The following AGBL4 variants were observed in gnomAD, a reference collection of about 807,000 sequenced individuals.
The protein encoded by AGBL4 is cytosolic carboxypeptidase 6.
In AGBL4, 58 loss-of-function variants were observed where a neutral mutation model predicts 66.4. That is an observed-to-expected ratio of 0.87 (90% CI 0.71 to 1.09). AGBL4 has a LOEUF of 1.09. Among genes scored for constraint, AGBL4 ranks in the 50% least tolerant of loss-of-function variants. The probability of loss-of-function intolerance (pLI) is 0.00; values close to 1 mark genes in which losing one functional copy is unlikely to be tolerated. For missense variants in AGBL4, 579 were observed against 631.0 expected, an observed-to-expected ratio of 0.92 and a Z score of 0.88; for synonymous variants, 234 against 222.9, an observed-to-expected ratio of 1.05 and a Z score of -0.44.
At chr1:49,714,569 C>CATATATATATATATATATATATAT (rs60965691) in intron 2 of AGBL4, among the ~76,000 whole-genome samples, 6 of 141,846 alleles carry the variant, frequency 4.2e-5, no homozygotes, top group African/African-American at 1.6e-4. Context: ...GTAGTATTTA[C>CATATATATATATATATATATATAT]ATATATATAT....
chr1:49,167,906 T>C (rs570849318), intron 4 of AGBL4, among the ~76,000 whole-genome samples: 1 of 152,298 alleles, frequency 6.6e-6, no homozygotes, highest in African/African-American at 2.4e-5. Context: ...GGATTAAAAA[T>C]ACTATTTTAA....
intron 3 of AGBL4, among the ~76,000 whole-genome samples, chr1:49,372,157 C>A (rs978751090): frequency 1.3e-5 from 2 of 151,970 alleles, no homozygotes; most frequent in African/African-American, 4.8e-5. Context: ...AATAAATGAG[C>A]AATGTTTTCC....
At chr1:49,337,431 A>G (rs35466861) in intron 3 of AGBL4, among the ~76,000 whole-genome samples, 13,307 of 152,286 alleles carry the variant, frequency 0.087, 863 homozygotes, top group East Asian at 0.3. Flanking sequence ...ACTCAAAGCC[A>G]TTAACACCAT....
intron 9 of AGBL4, among the ~76,000 whole-genome samples, chr1:48,615,044 A>G (rs2148386693): frequency 6.6e-6 from 1 of 152,208 alleles, no homozygotes; most frequent in South Asian, 2.1e-4. Context: ...TGAGGGCTAG[A>G]GAATAAGAGG....
chr1:49,645,663 T>A (rs1409596003), intron 3 of AGBL4, among the ~76,000 whole-genome samples: 1 of 150,866 alleles, frequency 6.6e-6, no homozygotes, highest in Admixed American at 6.6e-5. Flanking sequence ...TTAAAAATGG[T>A]CTTACCAAAA....
At chr1:49,583,819 T>C (rs1445129032) in intron 3 of AGBL4, among the ~76,000 whole-genome samples, 1 of 152,150 alleles carries the variant, frequency 6.6e-6, no homozygotes, top group Non-Finnish European at 1.5e-5. Context: ...CTATCATCTC[T>C]AGAACAGAAA....
intron 2 of AGBL4, chr1:49,841,824 C>T: frequency 5.1e-6 from 2 of 391,696 alleles, no homozygotes; most frequent in Non-Finnish European, 4.7e-6. Flanking sequence ...ATCCCACCGG[C>T]ACCACGGCCT....
intron 6 of AGBL4, chr1:48,776,849 G>A: frequency 6.7e-7 from 1 of 1,488,478 alleles, no homozygotes; most frequent in Non-Finnish European, 8.9e-7. Context: ...GCCGGGGGCG[G>A]GCCCCGGTCG....
At chr1:48,804,999 C>A (rs978133533) in intron 6 of AGBL4, among the ~76,000 whole-genome samples, 4 of 152,090 alleles carry the variant, frequency 2.6e-5, no homozygotes, top group Non-Finnish European at 5.9e-5. Context: ...CCCTTGAGTT[C>A]CTACCCATAG....
intron 9 of AGBL4, among the ~76,000 whole-genome samples, chr1:48,606,947 A>C (rs1645162819): frequency 6.6e-6 from 1 of 152,132 alleles, no homozygotes; most frequent in Non-Finnish European, 1.5e-5. Flanking sequence ...CAAACACTGA[A>C]CTGTCTGTGT....
chr1:48,758,010 G>T (rs1404074325), intron 6 of AGBL4, among the ~76,000 whole-genome samples: 1 of 152,116 alleles, frequency 6.6e-6, no homozygotes, highest in Non-Finnish European at 1.5e-5. Flanking sequence ...TCTCTGGTAA[G>T]CAGTCATTTC....
At position 48,979,941 on chromosome 1, in the gene AGBL4, A is replaced by G. The variant is rs552902460; in HGVS notation, c.594+65643T>C. On this transcript the variant is annotated intron_variant, in intron 5 of 13. Transcript: ENST00000371839. ...TTAACATGAGATCTATCCTCCTAACATACAATAGAGTTTTAAACAGTTCAT... is the reference window on the plus strand; with the variant it reads ...TTAACATGAGATCTATCCTCCTAACGTACAATAGAGTTTTAAACAGTTCAT... 2.6e-5 allele frequency among the ~76,000 whole-genome samples: 4 copies of G among 152,238 alleles called. No individual in the cohort carries two copies. The South Asian group carries it at 8.3e-4, about 32-fold the overall frequency.
chr1:48,889,768 C>G (rs762250312), intron 5 of AGBL4, among the ~76,000 whole-genome samples: 24 of 152,196 alleles, frequency 1.6e-4, no homozygotes, highest in Non-Finnish European at 2.8e-4. Flanking sequence ...CAAATCTAGG[C>G]TTCCAGATTC....
chr1:49,630,748 C>G (rs192981434), intron 3 of AGBL4, among the ~76,000 whole-genome samples: 1 of 152,076 alleles, frequency 6.6e-6, no homozygotes, highest in Non-Finnish European at 1.5e-5. Flanking sequence ...AGCTAGGTGC[C>G]CTTTTGAAGA....
intron 5 of AGBL4, among the ~76,000 whole-genome samples, chr1:48,928,106 T>C (rs773992377): frequency 6.6e-6 from 1 of 152,186 alleles, no homozygotes; most frequent in Non-Finnish European, 1.5e-5. Flanking sequence ...ATACCAAGAA[T>C]GCCACCTCTC....
At chr1:48,665,999 G>A (rs542609901) in intron 6 of AGBL4, among the ~76,000 whole-genome samples, 16 of 152,282 alleles carry the variant, frequency 1.1e-4, no homozygotes, top group Non-Finnish European at 2.1e-4. Context: ...GAGCCCTTGC[G>A]TCTTCATAAA....
intron 3 of AGBL4, among the ~76,000 whole-genome samples, chr1:49,434,221 G>A (rs1010678501): frequency 1.3e-5 from 2 of 151,558 alleles, no homozygotes; most frequent in African/African-American, 4.9e-5. Flanking sequence ...AAGAAGATCT[G>A]TCCTTTTATC....
chr1:48,999,079 G>T (rs1661214705), intron 5 of AGBL4, among the ~76,000 whole-genome samples: 1 of 152,224 alleles, frequency 6.6e-6, no homozygotes, highest in East Asian at 1.9e-4. Context: ...AAGGTAATGA[G>T]TTCCTTGTCA....
intron 3 of AGBL4, among the ~76,000 whole-genome samples, chr1:49,555,683 C>T (rs1571022416): frequency 6.8e-6 from 1 of 147,550 alleles, no homozygotes; most frequent in African/African-American, 2.5e-5. Flanking sequence ...AACAAATTTA[C>T]AAGAAAAAAA....
Sources: allele counts gnomAD v4.1 joint callset (sites outside exome capture counted in the v4.1 genomes callset), GRCh38; gene constraint gnomAD v4.1.1; transcripts MANE v1.5; gene names NCBI Gene and HGNC (gene_info 2026-07-23, HGNC 2026-07-21).